The following CCDC175 variants were observed in gnomAD, a reference collection of about 807,000 sequenced individuals.
The protein encoded by CCDC175 is coiled-coil domain-containing protein 175.
In CCDC175, 100 loss-of-function variants were observed where a neutral mutation model predicts 114.6. That is an observed-to-expected ratio of 0.87 (90% CI 0.74 to 1.03). CCDC175 has a LOEUF of 1.03. Ranked by LOEUF, CCDC175 falls within the 50% of genes least tolerant of loss-of-function variation. The probability of loss-of-function intolerance (pLI) is 0.00; values close to 1 mark genes in which losing one functional copy is unlikely to be tolerated. For synonymous variants in CCDC175, 306 were observed against 308.7 expected (o/e 0.99, Z 0.09); for missense variants, 880 against 917.8 (o/e 0.96, Z 0.53).
chr14:59,538,758 T>C lies in CCDC175; in HGVS notation c.1438A>G (p.Ile480Val). ...TAKIKAEIQAITEKIQNAEVR... is the reference protein window; with the variant it reads ...TAKIKAEIQAVTEKIQNAEVR... The stretch of plus-strand genomic sequence containing the variant: ...TCTGCATTCTGAATTTTTTCTGTAA[T>C]AGCTTGTATTTCAGCTTTTATCTTG... The change falls in exon 12 of 20, where the codon ATT becomes GTT. Residue 480 changes from isoleucine (I) to valine (V), a missense_variant. Transcript: ENST00000537690. 6.5e-7 allele frequency: 1 copy of C among 1,536,594 alleles called. No homozygotes were observed. Among genetic ancestry groups the C allele is most frequent in the Non-Finnish European group, 8.7e-7 (1 of 1,146,502 alleles).
intron 6 of CCDC175, among the ~76,000 whole-genome samples, chr14:59,563,516 A>G (rs1896344439): frequency 6.6e-6 from 1 of 152,116 alleles, no homozygotes; most frequent in African/African-American, 2.4e-5. Context: ...TGGCCCATCA[A>G]ATGCAGTTTG....
chr14:59,561,233 T>A lies in CCDC175; in HGVS notation c.844-5A>T. 1 of 1,486,324 alleles carries A rather than the reference T, an allele frequency of 6.7e-7. No homozygotes were observed. The highest frequency in any genetic ancestry group is 9.1e-7 in the Non-Finnish European group (1 of 1,103,104). 92.1% of individuals were successfully genotyped at this position (1,486,324 alleles called of 1,614,324 possible). A position where few individuals can be genotyped will look rare whatever the true frequency, so the allele number is the denominator to read the frequency against. On this transcript the variant is annotated splice_polypyrimidine_tract_variant and splice_region_variant and intron_variant, in intron 6 of 19. Transcript: ENST00000537690. ...TAAATTGTGATCACTAAGAACCTAT[T>A]AAAAATTAAACAAAAATATGGCATC...
chr14:59,554,791 C>A (rs55680954), intron 7 of CCDC175, among the ~76,000 whole-genome samples: 1 of 152,062 alleles, frequency 6.6e-6, no homozygotes, highest in Admixed American at 6.6e-5. Context: ...GATATCACCA[C>A]CGATCCCACA....
At chr14:59,543,506 A>G (rs1481718848) in intron 9 of CCDC175, 52 bp from the exon 10 acceptor site, 3 of 591,374 alleles carry the variant, frequency 5.1e-6, no homozygotes, top group African/African-American at 1.9e-5. Flanking sequence ...ATATGCAAAC[A>G]CAAATAAGAA....
rs1174812199 is a variant in CCDC175 at position 59,510,605 on chromosome 14, C to A, written c.2305+41G>T. ...TGTTACCAGCTATATAGTAAAATAGCAGGAAGTCCCATGTTACCAAAGCTC... is the reference window on the plus strand; with the variant it reads ...TGTTACCAGCTATATAGTAAAATAGAAGGAAGTCCCATGTTACCAAAGCTC... On this transcript the variant is annotated intron_variant, in intron 19 of 19. Transcript: ENST00000537690. The A allele has an allele frequency of 1.2e-5, 19 of 1,529,690 alleles. No homozygotes were observed. In the East Asian group the frequency reaches 1.5e-4, roughly 12 times the overall value. 94.8% of individuals were successfully genotyped at this position (1,529,690 alleles called of 1,614,324 possible). A position where few individuals can be genotyped will look rare whatever the true frequency, so the allele number is the denominator to read the frequency against.
chr14:59,510,259 GA>G (rs1420576864), intron 19 of CCDC175, among the ~76,000 whole-genome samples: 1 of 152,162 alleles, frequency 6.6e-6, no homozygotes, highest in African/African-American at 2.4e-5. Flanking sequence ...AGATTTTTCT[GA>G]GAAGGTAACA....
At chr14:59,519,105 G>A (rs909607899) in intron 17 of CCDC175, among the ~76,000 whole-genome samples, 7 of 152,046 alleles carry the variant, frequency 4.6e-5, no homozygotes, top group South Asian at 2.1e-4. Context: ...ACTCATAGGT[G>A]GGAATTGAAC....
chr14:59,520,760 C>T (rs958627424), intron 17 of CCDC175, among the ~76,000 whole-genome samples: 2 of 152,152 alleles, frequency 1.3e-5, no homozygotes, highest in South Asian at 2.1e-4. Context: ...TAAAAGTGTG[C>T]ACCCTGTCAT....
chr14:59,557,541 A>G (rs554283603), intron 7 of CCDC175, among the ~76,000 whole-genome samples: 26 of 151,758 alleles, frequency 1.7e-4, no homozygotes, highest in African/African-American at 6.3e-4. Flanking sequence ...GGTGCAGCAC[A>G]CCAACATGGC....
intron 16 of CCDC175, among the ~76,000 whole-genome samples, chr14:59,524,433 G>A (rs1239796831): frequency 1.3e-5 from 2 of 152,086 alleles, no homozygotes; most frequent in Non-Finnish European, 2.9e-5. Context: ...ACGGGCAAAA[G>A]ACTTGAACAG....
intron 9 of CCDC175, among the ~76,000 whole-genome samples, chr14:59,544,887 G>A (rs369423022): frequency 6.6e-6 from 1 of 152,258 alleles, no homozygotes; most frequent in East Asian, 1.9e-4. Flanking sequence ...GAAAGCGGCT[G>A]GGTGGCTGTA....
intron 2 of CCDC175, among the ~76,000 whole-genome samples, chr14:59,574,607 C>T (rs1897007817): frequency 6.6e-6 from 1 of 152,194 alleles, no homozygotes; most frequent in African/African-American, 2.4e-5. Flanking sequence ...TTGTTTTAAG[C>T]AATGCTTATA....
intron 8 of CCDC175, among the ~76,000 whole-genome samples, chr14:59,550,318 C>A (rs1895389979): frequency 6.6e-6 from 1 of 152,106 alleles, no homozygotes; most frequent in Non-Finnish European, 1.5e-5. Flanking sequence ...CTCACCCTCA[C>A]CCCCAATTTT....
intron 16 of CCDC175, 55 bp from the exon 17 acceptor site, chr14:59,521,731 T>C: frequency 3.1e-6 from 3 of 958,766 alleles, no homozygotes. Flanking sequence ...ATAGATAAAT[T>C]ATCATGTAGT....
intron 17 of CCDC175, among the ~76,000 whole-genome samples, chr14:59,519,558 T>C (rs555650926): frequency 1.4e-4 from 22 of 152,316 alleles, no homozygotes; most frequent in African/African-American, 5.1e-4. Flanking sequence ...GAAAAAGGAC[T>C]CATTTCCAGA....
At chr14:59,547,446 A>G (rs1895182687) in intron 8 of CCDC175, among the ~76,000 whole-genome samples, 2 of 152,236 alleles carry the variant, frequency 1.3e-5, no homozygotes, top group South Asian at 4.1e-4. Context: ...ACCACTGGCC[A>G]TAAAAACTCA....
At chr14:59,557,722 T>A (rs897866081) in intron 7 of CCDC175, among the ~76,000 whole-genome samples, 1 of 152,034 alleles carries the variant, frequency 6.6e-6, no homozygotes, top group Non-Finnish European at 1.5e-5. Flanking sequence ...AACATATTTA[T>A]GTATATATTT....
In CCDC175 at chr14:59,563,814, A is replaced by G. The variant is rs767620891; in HGVS notation, c.766T>C (p.Tyr256His). The G allele has an allele frequency of 1.7e-5, 24 of 1,439,126 alleles. No homozygotes were observed. In the Admixed American group the frequency reaches 6.2e-4, roughly 37 times the overall value. 89.1% of individuals were successfully genotyped at this position (1,439,126 alleles called of 1,614,324 possible). A position where few individuals can be genotyped will look rare whatever the true frequency, so the allele number is the denominator to read the frequency against. The stretch of plus-strand genomic sequence containing the variant: ...TTATCCAATTCTTTCTTCTTTTGAT[A>G]AGTCTCCATTCTCTTTACTTCACGG... Reference protein sequence around the residue: ...NTREVKRMETYQKKKELDKLQ... With the variant: ...NTREVKRMETHQKKKELDKLQ... Residue 256 changes from tyrosine (Y) to histidine (H), a missense_variant, in exon 6 of 20, where the codon TAT becomes CAT. Transcript: ENST00000537690.
chr14:59,534,796 C>T (rs1894297806), intron 13 of CCDC175, among the ~76,000 whole-genome samples: 1 of 152,196 alleles, frequency 6.6e-6, no homozygotes, highest in Admixed American at 6.5e-5. Flanking sequence ...AGCCACAGCA[C>T]TGCCCTGTCG....
Sources: allele counts gnomAD v4.1 joint callset (sites outside exome capture counted in the v4.1 genomes callset), GRCh38; gene constraint gnomAD v4.1.1; transcripts MANE v1.5; gene names NCBI Gene and HGNC (gene_info 2026-07-23, HGNC 2026-07-21).